The following COBLL1 variants were observed in gnomAD, a reference collection of about 807,000 sequenced individuals.
COBLL1 encodes the protein cordon-bleu protein-like 1.
Under a neutral mutation model 94.8 loss-of-function variants are expected in COBLL1, and 50 were observed. The observed-to-expected ratio is 0.53, with a 90% CI of 0.42 to 0.67. The LOEUF (loss-of-function observed/expected upper bound fraction) is 0.67. Among genes scored for constraint, COBLL1 ranks in the 30% least tolerant of loss-of-function variants. The probability of loss-of-function intolerance (pLI) is 0.00; values close to 1 mark genes in which losing one functional copy is unlikely to be tolerated. For synonymous variants in COBLL1, 448 were observed against 473.8 expected, an observed-to-expected ratio of 0.95 and a Z score of 0.71; for missense variants, 1,362 against 1,348.7, an observed-to-expected ratio of 1.01 and a Z score of -0.15.
intron 2 of COBLL1, among the ~76,000 whole-genome samples, chr2:164,778,116 G>C (rs1003345665): frequency 2.6e-5 from 4 of 152,148 alleles, no homozygotes; most frequent in African/African-American, 7.2e-5. Context: ...AATAGGCATA[G>C]CCTCAGATAC....
At chr2:164,784,192 T>A (rs1688839129) in intron 2 of COBLL1, among the ~76,000 whole-genome samples, 1 of 152,142 alleles carries the variant, frequency 6.6e-6, no homozygotes, top group Non-Finnish European at 1.5e-5. Flanking sequence ...TCTAACTTCA[T>A]TCACATTAAG....
chr2:164,761,849 C>A (rs1208928754), intron 2 of COBLL1, among the ~76,000 whole-genome samples: 1 of 152,178 alleles, frequency 6.6e-6, no homozygotes, highest in Admixed American at 6.5e-5. Flanking sequence ...TACAGGTATA[C>A]AATTTTCACA....
intron 2 of COBLL1, among the ~76,000 whole-genome samples, chr2:164,782,196 GTA>G (rs1490301357): frequency 7.9e-5 from 12 of 152,160 alleles, no homozygotes; most frequent in Non-Finnish European, 1.3e-4. Flanking sequence ...TTAATTCTCA[GTA>G]TTATGAAAGT....
chr2:164,827,796 G>T (rs3769917), intron 2 of COBLL1, among the ~76,000 whole-genome samples: 35,747 of 151,976 alleles, frequency 0.24, 4,508 homozygotes, highest in African/African-American at 0.34. Context: ...ATTCAAATGG[G>T]GATATTTAGG....
intron 2 of COBLL1, among the ~76,000 whole-genome samples, chr2:164,757,009 G>T (rs554584002): frequency 6.6e-6 from 1 of 152,184 alleles, no homozygotes; most frequent in South Asian, 2.1e-4. Context: ...TCTCAAACTT[G>T]GTTGCACAAT....
intron 11 of COBLL1, 136 bp downstream of exon 11, chr2:164,699,269 C>T (rs554879378): frequency 1.5e-6 from 1 of 652,052 alleles, no homozygotes; most frequent in Non-Finnish European, 2.8e-6. Context: ...TAATAGTACC[C>T]ATAATATCCA....
chr2:164,784,638 A>G (rs1559013104), intron 2 of COBLL1, among the ~76,000 whole-genome samples: 1 of 151,982 alleles, frequency 6.6e-6, no homozygotes, highest in Non-Finnish European at 1.5e-5. Context: ...TGTTTGCATA[A>G]TCTGCTTCCC....
chr2:164,676,677 CTTTT>C (rs112492007), downstream of COBLL1, among the ~76,000 whole-genome samples: 4 of 146,412 alleles, frequency 2.7e-5, no homozygotes, highest in African/African-American at 1.0e-4. Context: ...CTTAACTCTG[CTTTT>C]TTTTTTTCCC....
chr2:164,822,565 T>G (rs1355019885), intron 2 of COBLL1, among the ~76,000 whole-genome samples: 1 of 152,064 alleles, frequency 6.6e-6, no homozygotes, highest in African/African-American at 2.4e-5. Flanking sequence ...TATCTCAAGC[T>G]GGGAAGGTCA....
chr2:164,722,246 G>C lies in COBLL1; in HGVS notation c.825C>G (p.Thr275=). The change falls in exon 7 of 14, where the codon ACC becomes ACG. Residue 275 remains threonine (T), a synonymous_variant. Coordinates refer to ENST00000652658, the MANE Select transcript of COBLL1 (RefSeq NM_001365672.2). Reference sequence around the variant, plus strand: ...TGTTGGAAATATATGGTTTGGAAATGGTATTGGACCTTGTAAAAGTTGGGC... The same window carrying C: ...TGTTGGAAATATATGGTTTGGAAATCGTATTGGACCTTGTAAAAGTTGGGC... ...KHRPTFTRSN[T]ISKPYISNTL... 6.2e-7 allele frequency: 1 copy of C among 1,613,924 alleles called. No individual in the cohort carries two copies. The highest frequency in any genetic ancestry group is 8.5e-7 in the Non-Finnish European group (1 of 1,179,966).
Position 164,730,040 on chromosome 2 carries a change from C to G in COBLL1, c.306G>C (p.Leu102=), listed in dbSNP as rs1316832708. ...HLNPSSYTID[L]LSAEQNHIKF... Reference sequence around the variant, plus strand: ...TAATGTGGTTCTGTTCAGCTGACAACAGATCGATTGTGTAACTTGATGGAT... The same window carrying G: ...TAATGTGGTTCTGTTCAGCTGACAAGAGATCGATTGTGTAACTTGATGGAT... The change falls in exon 4 of 14, where the codon CTG becomes CTC. Residue 102 remains leucine, a synonymous_variant. Transcript: ENST00000652658. 1.2e-6 allele frequency: 2 copies of G among 1,613,988 alleles called. No homozygotes were observed. The highest frequency in any genetic ancestry group is 2.2e-5 in the South Asian group (2 of 91,074).
intron 11 of COBLL1, among the ~76,000 whole-genome samples, chr2:164,698,903 G>T (rs955890919): frequency 6.6e-6 from 1 of 151,918 alleles, no homozygotes; most frequent in African/African-American, 2.4e-5. Flanking sequence ...AAAATAAGTT[G>T]TGCTAATATG....
intron 2 of COBLL1, among the ~76,000 whole-genome samples, chr2:164,795,127 A>G (rs1683377709): frequency 1.3e-5 from 2 of 152,198 alleles, no homozygotes; most frequent in Admixed American, 6.5e-5. Flanking sequence ...TTTGAAAGGG[A>G]AACTACCCTA....
At chr2:164,733,199 C>T (rs79429539) in intron 3 of COBLL1, among the ~76,000 whole-genome samples, 5,889 of 152,068 alleles carry the variant, frequency 0.039, 316 homozygotes, top group East Asian at 0.29. Context: ...TTAAAAAGAA[C>T]AATTTGATTC....
intron 7 of COBLL1, among the ~76,000 whole-genome samples, chr2:164,710,202 GAAC>G (rs1398785120): frequency 6.6e-6 from 1 of 152,016 alleles, no homozygotes; most frequent in African/African-American, 2.4e-5. Context: ...CAAAATGGAA[GAAC>G]AACTGGGACT....
chr2:164,703,267 T>G (rs1190310446), intron 9 of COBLL1: 1 of 1,277,448 alleles, frequency 7.8e-7, no homozygotes, highest in Non-Finnish European at 1.1e-6. Context: ...GACAACAGAG[T>G]TAAGGCAAGC....
At chr2:164,733,865 A>G (rs1414294829) in intron 3 of COBLL1, among the ~76,000 whole-genome samples, 1 of 120,324 alleles carries the variant, frequency 8.3e-6, no homozygotes, top group Non-Finnish European at 1.8e-5. Flanking sequence ...TGGACTCCCA[A>G]ACCAAATTTT....
intron 7 of COBLL1, among the ~76,000 whole-genome samples, chr2:164,717,050 C>T (rs1465804798): frequency 1.3e-5 from 2 of 152,080 alleles, no homozygotes; most frequent in Non-Finnish European, 2.9e-5. Context: ...GTGTTACTGA[C>T]ATTTATCTCT....
At position 164,743,728 on chromosome 2, in the gene COBLL1, G is replaced by A. The variant is rs753147443; in HGVS notation, c.189C>T (p.Val63=). ...TAGATTTGATAATATCCCCAGGTAG[G>A]ACCACTGAGAGTTCAACGTCTTTAT... ...MIDKDVELSV[V]LPGDIIKSTT... is the part of the protein sequence containing the mutation. The change falls in exon 3 of 14, where the codon GTC becomes GTT. Residue 63 remains valine, a synonymous_variant. Transcript: ENST00000652658. 126 of 1,613,438 alleles carry A rather than the reference G, an allele frequency of 7.8e-5. No individual in the cohort carries two copies. The highest frequency in any genetic ancestry group is 4.6e-4 in the South Asian group (42 of 91,032).
Sources: gnomAD v4.1 joint callset for allele counts (sites outside exome capture counted in the v4.1 genomes callset) on GRCh38, gnomAD v4.1.1 for gene constraint, MANE v1.5 for transcripts, NCBI Gene and HGNC (gene_info 2026-07-23, HGNC 2026-07-21) for gene names.